EIF4E: variants seen among roughly 807,000 people sequenced by gnomAD.
EIF4E encodes eIF-4F 25 kDa subunit.
For missense variants in EIF4E, 113 were observed against 265.6 expected (o/e 0.43, Z 3.99); for synonymous variants, 71 against 88.5 (o/e 0.80, Z 1.11).
At chr4:98,892,324 A>C (rs1724177218) in intron 2 of EIF4E, among the ~76,000 whole-genome samples, 1 of 136,504 alleles carries the variant, frequency 7.3e-6, no homozygotes. Context: ...TCCATCTCAA[A>C]AAACAAAAAA....
chr4:98,888,063 A>G, intron 3 of EIF4E, 111 bp from the exon 4 acceptor site: 1 of 946,378 alleles, frequency 1.1e-6, no homozygotes, highest in Non-Finnish European at 1.6e-6. Flanking sequence ...ATAAAAGTTC[A>G]TGTTTACTTG....
intron 1 of EIF4E, chr4:98,909,904 A>G: frequency 1.7e-6 from 1 of 579,066 alleles, no homozygotes; most frequent in Non-Finnish European, 3.0e-6. Context: ...ATCATGGAGG[A>G]GGCGGCTGTC....
chr4:98,892,555 G>A (rs1482731452), intron 2 of EIF4E, among the ~76,000 whole-genome samples: 5 of 149,442 alleles, frequency 3.3e-5, no homozygotes, highest in Non-Finnish European at 7.4e-5. Context: ...GGTGGTATGT[G>A]CCTGTAATTA....
chr4:98,920,624 T>C (rs964934121), intron 1 of EIF4E, among the ~76,000 whole-genome samples: 3 of 152,084 alleles, frequency 2.0e-5, no homozygotes, highest in Non-Finnish European at 1.5e-5. Flanking sequence ...AGATAGGGGC[T>C]ATAGGCTTTA....
rs1579194053 is a variant in EIF4E at position 98,928,760 on chromosome 4, T to C, written c.18+335A>G. ...GCTGGGAGCCGGCCCTGCGCCTTCCTATCATGAAGACACCATCCTCGCATA... is the reference window on the plus strand; with the variant it reads ...GCTGGGAGCCGGCCCTGCGCCTTCCCATCATGAAGACACCATCCTCGCATA... On this transcript the variant is annotated intron_variant, in intron 1 of 6. Transcript: ENST00000450253. The C allele has an allele frequency of 5.7e-6, 7 of 1,232,774 alleles. 1 individual carries two copies. The highest frequency in any genetic ancestry group is 3.0e-5 in the Admixed American group (1 of 33,394). 76.4% of individuals were successfully genotyped at this position (1,232,774 alleles called of 1,614,324 possible).
At chr4:98,909,529 TA>T in intron 1 of EIF4E, 2 of 619,220 alleles carry the variant, frequency 3.2e-6, no homozygotes, top group Non-Finnish European at 5.8e-6. Flanking sequence ...ACCCTGTACA[TA>T]AAAGTTTCAG....
At chr4:98,883,839 A>T (rs1723802940) in intron 6 of EIF4E, among the ~76,000 whole-genome samples, 1 of 152,042 alleles carries the variant, frequency 6.6e-6, no homozygotes, top group Non-Finnish European at 1.5e-5. Flanking sequence ...GGAGTTCATG[A>T]CCAGTCTGGG....
chr4:98,906,083 A>G (rs1724860010), intron 1 of EIF4E, among the ~76,000 whole-genome samples: 1 of 152,178 alleles, frequency 6.6e-6, no homozygotes. Context: ...TTTCTCAGCA[A>G]CTCTCAACCT....
At position 98,901,903 on chromosome 4, in the gene EIF4E, T is replaced by C. The variant is rs749358476; in HGVS notation, c.98A>G (p.His33Arg). 1.6e-5 allele frequency: 26 copies of C among 1,612,312 alleles called. No homozygotes were observed. Among genetic ancestry groups the C allele is most frequent in the East Asian group, 1.6e-4 (7 of 44,880 alleles). ...GTTCTGTAGGGGATGTTTAATATAGTGTTCTGGGTTAGCAACCTCCTGATT... is the reference window on the plus strand; with the variant it reads ...GTTCTGTAGGGGATGTTTAATATAGCGTTCTGGGTTAGCAACCTCCTGATT... The part of the protein sequence containing the change: ...ESNQEVANPE[H>R]YIKHPLQNRW... The change falls in exon 2 of 7, where the codon CAC (histidine) becomes CGC (arginine). Residue 33 changes from histidine to arginine, a missense_variant. Coordinates refer to ENST00000450253, the MANE Select transcript of EIF4E (RefSeq NM_001968.5).
intron 1 of EIF4E, among the ~76,000 whole-genome samples, chr4:98,926,943 T>C (rs1020424557): frequency 6.6e-6 from 1 of 152,204 alleles, no homozygotes. Context: ...GGGACCTAAA[T>C]GTGACAGAAA....
intron 2 of EIF4E, among the ~76,000 whole-genome samples, chr4:98,896,181 C>T (rs938023075): frequency 2.2e-5 from 3 of 135,640 alleles, no homozygotes; most frequent in Middle Eastern, 3.2e-3. Context: ...GGTGACAGAG[C>T]GAGGCTCCAT....
intron 1 of EIF4E, among the ~76,000 whole-genome samples, chr4:98,914,544 A>C (rs1725295360): frequency 6.6e-6 from 1 of 152,074 alleles, no homozygotes; most frequent in African/African-American, 2.4e-5. Flanking sequence ...TAAGTGAAAG[A>C]AGCTAAGCTG....
At chr4:98,896,504 A>AC (rs1434313223) in intron 2 of EIF4E, among the ~76,000 whole-genome samples, 16 of 148,890 alleles carry the variant, frequency 1.1e-4, no homozygotes, top group Non-Finnish European at 2.2e-4. Flanking sequence ...AAAAAAAAAA[A>AC]AAAAAACACC....
At chr4:98,913,281 A>G (rs1725231921) in intron 1 of EIF4E, among the ~76,000 whole-genome samples, 2 of 152,144 alleles carry the variant, frequency 1.3e-5, no homozygotes, top group African/African-American at 4.8e-5. Flanking sequence ...TGTAGCTTTA[A>G]TAAGGTCATT....
intron 2 of EIF4E, among the ~76,000 whole-genome samples, chr4:98,896,204 A>G (rs1387243616): frequency 1.3e-5 from 2 of 151,552 alleles, no homozygotes; most frequent in Non-Finnish European, 2.9e-5. Context: ...CCAATAAAAT[A>G]AAATAAAATA....
chr4:98,915,382 A>C (rs1385481438), intron 1 of EIF4E, among the ~76,000 whole-genome samples: 1 of 152,190 alleles, frequency 6.6e-6, no homozygotes, highest in Non-Finnish European at 1.5e-5. Context: ...TTGAGATTAC[A>C]GATTATTTTT....
chr4:98,906,649 T>G (rs1464622513), intron 1 of EIF4E, among the ~76,000 whole-genome samples: 2 of 152,142 alleles, frequency 1.3e-5, no homozygotes, highest in African/African-American at 4.8e-5. Context: ...GTTCTAAGGC[T>G]GCGGTGAGCT....
At chr4:98,928,432 C>T (rs1197429103) in intron 1 of EIF4E, among the ~76,000 whole-genome samples, 1 of 152,114 alleles carries the variant, frequency 6.6e-6, no homozygotes, top group Non-Finnish European at 1.5e-5. Flanking sequence ...CTCGCTTCCC[C>T]TGGCGCAAAC....
At chr4:98,914,696 G>A (rs1300013653) in intron 1 of EIF4E, among the ~76,000 whole-genome samples, 4 of 152,140 alleles carry the variant, frequency 2.6e-5, no homozygotes, top group African/African-American at 9.6e-5. Context: ...TATTATAACC[G>A]CAGATACATG....
Sources: allele counts gnomAD v4.1 joint callset (sites outside exome capture counted in the v4.1 genomes callset), GRCh38; gene constraint gnomAD v4.1.1; transcripts MANE v1.5; gene names NCBI Gene and HGNC (gene_info 2026-07-23, HGNC 2026-07-21).